The following TNIP3 variants were observed in gnomAD, a reference collection of about 807,000 sequenced individuals.
TNIP3 encodes TNFAIP3 interacting protein 3, also known as TNFAIP3-interacting protein 3.
Under a neutral mutation model 54.1 loss-of-function variants are expected in TNIP3, and 34 were observed. That is an observed-to-expected ratio of 0.63 (90% CI 0.48 to 0.84). TNIP3 has a LOEUF of 0.84. TNIP3 is among the 40% of genes least tolerant of loss of function. The pLI is 0.00. For synonymous variants in TNIP3, 134 were observed against 136.8 expected, an observed-to-expected ratio of 0.98 and a Z score of 0.14; for missense variants, 366 against 387.6, an observed-to-expected ratio of 0.94 and a Z score of 0.47.
At chr4:121,176,866 T>C (rs1001973446) in intron 3 of TNIP3, among the ~76,000 whole-genome samples, 1 of 152,096 alleles carries the variant, frequency 6.6e-6, no homozygotes. Flanking sequence ...TTGGGAAGAG[T>C]GTCCAGGTCT....
upstream of TNIP3, among the ~76,000 whole-genome samples, chr4:121,217,930 T>C (rs1401759266): frequency 6.6e-6 from 1 of 152,150 alleles, no homozygotes; most frequent in African/African-American, 2.4e-5. Context: ...AGAATTATAA[T>C]GCCATCATTT....
intron 10 of TNIP3, among the ~76,000 whole-genome samples, chr4:121,135,171 T>C (rs1240107065): frequency 6.6e-6 from 1 of 152,208 alleles, no homozygotes; most frequent in African/African-American, 2.4e-5. Flanking sequence ...TTGTAAATTG[T>C]ACTTTGGTTT....
Position 121,164,250 on chromosome 4 carries a change from A to G in TNIP3, c.-125T>C. 1 of 1,502,518 alleles carries G rather than the reference A, an allele frequency of 6.7e-7. No homozygotes were observed. The highest frequency in any genetic ancestry group is 8.9e-7 in the Non-Finnish European group (1 of 1,129,648). The allele number at this position is 1,502,518 out of a possible 1,614,324, so 93.1% of individuals were successfully genotyped here. ...AAAACACACATCACCGTTAACTCATAATAGAAAATAACAGCAATAGGTTTT... is the reference window on the plus strand; with the variant it reads ...AAAACACACATCACCGTTAACTCATGATAGAAAATAACAGCAATAGGTTTT... On this transcript the variant is annotated 5_prime_UTR_variant, in exon 1 of 11. Transcript: ENST00000057513.
Position 121,132,678 on chromosome 4 carries a change from G to C in TNIP3, c.947-16C>G. 1 of 1,603,452 alleles carries C rather than the reference G, an allele frequency of 6.2e-7. No individual in the cohort carries two copies. Among genetic ancestry groups the C allele is most frequent in the South Asian group, 1.1e-5 (1 of 90,780 alleles). ...GAGGATAAACCTATGGAAAACAGTA[G>C]GAAAATGTTTTAGATTAAAAATTAA... On this transcript the variant is annotated splice_polypyrimidine_tract_variant and intron_variant, in intron 10 of 10. Transcript: ENST00000057513.
chr4:121,197,730 T>C (rs1216825523), intron 2 of TNIP3, among the ~76,000 whole-genome samples: 2 of 152,088 alleles, frequency 1.3e-5, no homozygotes, highest in East Asian at 1.9e-4. Flanking sequence ...CTGAAGCAAT[T>C]TGGGGGCAAA....
intron 2 of TNIP3, among the ~76,000 whole-genome samples, chr4:121,203,191 C>G (rs553331391): frequency 1.3e-5 from 2 of 150,748 alleles, no homozygotes; most frequent in African/African-American, 2.4e-5. Context: ...GCCCATCAAT[C>G]AATGAGTGGA....
intron 4 of TNIP3, 37 bp downstream of exon 4, chr4:121,157,057 T>G: frequency 6.2e-7 from 1 of 1,611,774 alleles, no homozygotes; most frequent in Non-Finnish European, 8.5e-7. Flanking sequence ...TGCTTTTATT[T>G]GGATCCTCCG....
chr4:121,146,583 C>A (rs997714401), intron 7 of TNIP3, among the ~76,000 whole-genome samples: 1 of 152,098 alleles, frequency 6.6e-6, no homozygotes, highest in Admixed American at 6.6e-5. Context: ...CTTCAAAGTA[C>A]TCCAGTTACA....
At chr4:121,155,561 A>AT (rs1483453023) in intron 4 of TNIP3, among the ~76,000 whole-genome samples, 6 of 152,182 alleles carry the variant, frequency 3.9e-5, no homozygotes, top group Non-Finnish European at 8.8e-5. Flanking sequence ...CCAATTTTAG[A>AT]TGACAATCTA....
At chr4:121,200,732 T>C (rs1396538613) in intron 2 of TNIP3, among the ~76,000 whole-genome samples, 3 of 152,174 alleles carry the variant, frequency 2.0e-5, no homozygotes, top group Non-Finnish European at 4.4e-5. Flanking sequence ...ACAGATTCTT[T>C]GTTGTTGTTT....
intron 2 of TNIP3, among the ~76,000 whole-genome samples, chr4:121,206,581 C>T (rs1486865137): frequency 6.8e-6 from 1 of 148,134 alleles, no homozygotes; most frequent in Non-Finnish European, 1.5e-5. Context: ...TGAGGTCTCC[C>T]TCTGTCACAC....
At chr4:121,208,833 A>C (rs1294798912) in intron 2 of TNIP3, among the ~76,000 whole-genome samples, 1 of 152,176 alleles carries the variant, frequency 6.6e-6, no homozygotes, top group East Asian at 1.9e-4. Context: ...TCTGGACTAC[A>C]CCTAAGTTAT....
At chr4:121,155,595 G>C (rs1730035715) in intron 4 of TNIP3, among the ~76,000 whole-genome samples, 7 of 152,130 alleles carry the variant, frequency 4.6e-5, no homozygotes, top group Admixed American at 4.6e-4. Context: ...GAAGTGCAGT[G>C]TTTTAAACAA....
chr4:121,204,304 A>C (rs1726062341), intron 2 of TNIP3, among the ~76,000 whole-genome samples: 1 of 152,144 alleles, frequency 6.6e-6, no homozygotes, highest in African/African-American at 2.4e-5. Flanking sequence ...GCTAATCAGA[A>C]AGTCAAAAGA....
chr4:121,210,283 T>A (rs1380984001), intron 2 of TNIP3, among the ~76,000 whole-genome samples: 1 of 152,190 alleles, frequency 6.6e-6, no homozygotes, highest in African/African-American at 2.4e-5. Context: ...AGTCCTTGTT[T>A]TCTGGAACAT....
intron 4 of TNIP3, among the ~76,000 whole-genome samples, chr4:121,156,611 A>T (rs575991098): frequency 1.3e-5 from 2 of 152,334 alleles, no homozygotes; most frequent in African/African-American, 4.8e-5. Flanking sequence ...CGAAGGCTTT[A>T]AAAAATGTCA....
chr4:121,165,834 A>G (rs1461461007), upstream of TNIP3, among the ~76,000 whole-genome samples: 1 of 152,220 alleles, frequency 6.6e-6, no homozygotes, highest in East Asian at 1.9e-4. Context: ...TATAACTCAC[A>G]TAAGATCTGA....
Position 121,150,158 on chromosome 4 carries a change from C to T in TNIP3, c.554G>A (p.Arg185Gln), listed in dbSNP as rs150144797. 8.1e-6 allele frequency: 13 copies of T among 1,613,818 alleles called. No individual in the cohort carries two copies. Among genetic ancestry groups the T allele is most frequent in the Admixed American group, 1.7e-5 (1 of 59,990 alleles). ...CATCTCCTCATGGCAGAATTCCACTCGAGACTTCCTCAAACAGTCCTCGGA... is the reference window on the plus strand; with the variant it reads ...CATCTCCTCATGGCAGAATTCCACTTGAGACTTCCTCAAACAGTCCTCGGA... The part of the protein sequence containing the change: ...SFSEDCLRKS[R>Q]VEFCHEEMRT... The change falls in exon 6 of 11, where the codon CGA (arginine) becomes CAA (glutamine). Residue 185 changes from arginine (R) to glutamine (Q), a missense_variant. Coordinates refer to ENST00000057513, the MANE Select transcript of TNIP3 (RefSeq NM_024873.6).
At chr4:121,171,150 A>G (rs985897318) in intron 3 of TNIP3, among the ~76,000 whole-genome samples, 1 of 152,194 alleles carries the variant, frequency 6.6e-6, no homozygotes, top group African/African-American at 2.4e-5. Flanking sequence ...TAAGTTTGTC[A>G]TAGAATAAAA....
Sources: allele counts gnomAD v4.1 joint callset (sites outside exome capture counted in the v4.1 genomes callset), GRCh38; gene constraint gnomAD v4.1.1; transcripts MANE v1.5; gene names NCBI Gene and HGNC (gene_info 2026-07-23, HGNC 2026-07-21).